The following PRTN3 variants were observed in gnomAD, a reference collection of about 807,000 sequenced individuals.
PRTN3 encodes myeloblastin.
A neutral mutation model predicts 20.7 loss-of-function variants in PRTN3; 22 were observed. That is an observed-to-expected ratio of 1.06 (90% CI 0.76 to 1.52). The LOEUF (loss-of-function observed/expected upper bound fraction) is 1.52, where lower values mean the gene tolerates loss of function less well. Ranked by LOEUF, PRTN3 falls within the 40% of genes most tolerant of loss-of-function variation. PRTN3 has a pLI of 0.00. For missense variants in PRTN3, 378 were observed against 359.6 expected, an observed-to-expected ratio of 1.05 and a Z score of -0.41; for synonymous variants, 173 against 152.9, an observed-to-expected ratio of 1.13 and a Z score of -0.97.
chr19:843,707 G>A lies in PRTN3; in HGVS notation c.227+81G>A, dbSNP rs2035475633. ...TGGCCCGGCCACTGTCCCTCTGCCC[G>A]GGGAGGACCCAGCTAAGCCCCGTCT... is the stretch of plus-strand genomic sequence containing the variant. On this transcript the variant is annotated intron_variant, in intron 2 of 4. Transcript: ENST00000234347. The A allele has an allele frequency of 4.7e-6, 7 of 1,490,880 alleles. No individual in the cohort carries two copies. The East Asian group carries it at 1.5e-4, about 32-fold the overall frequency. The allele number at this position is 1,490,880 out of a possible 1,614,324, so 92.4% of individuals were successfully genotyped here. A position where few individuals can be genotyped will look rare whatever the true frequency, so the allele number is the denominator to read the frequency against.
chr19:843,301 C>A lies in PRTN3; in HGVS notation c.62-160C>A, dbSNP rs765829809. ...CCTTTGGAAATCGTCGTAATTATAA[C>A]CCCCCCGGCCTGGGCGCTGAGTCCT... On this transcript the variant is annotated intron_variant, in intron 1 of 4. Transcript: ENST00000234347. The A allele has an allele frequency of 7.5e-6, 5 of 667,576 alleles. No homozygotes were observed. The Admixed American group carries it at 9.7e-5, about 13-fold the overall frequency. The allele number at this position is 667,576 out of a possible 1,614,324, so 41.4% of individuals were successfully genotyped here. A position where few individuals can be genotyped will look rare whatever the true frequency, so the allele number is the denominator to read the frequency against.
chr19:843,548 AC>A lies in PRTN3; in HGVS notation c.152del (p.Pro51ArgfsTer10), dbSNP rs756445305. ...PYMASLQMRG[N>X]PGSHFCGGTL... ...ATGGCCTCCCTGCAGATGCGGGGGA[AC>A]CCGGGCAGCCACTTCTGCGGAGGCA... On this transcript the variant is annotated frameshift_variant, in exon 2 of 5. Coordinates refer to ENST00000234347, the MANE Select transcript of PRTN3 (RefSeq NM_002777.4). LOFTEE classifies it high-confidence loss of function. The A allele has an allele frequency of 8.1e-6, 13 of 1,598,314 alleles. No homozygotes were observed. The highest frequency in any genetic ancestry group is 1.7e-5 in the Admixed American group (1 of 58,760).
rs756801987 is a variant in PRTN3 at position 843,900 on chromosome 19, C to A, written c.235C>A (p.Arg79Ser). Residue 79 changes from arginine to serine, a missense_variant, in exon 3 of 5, where the codon CGC becomes AGC. Physicochemically the swap from Arg to Ser is moderately radical, Grantham distance 110. Coordinates refer to ENST00000234347, the MANE Select transcript of PRTN3 (RefSeq NM_002777.4). ...ACCACCCCACCCCCGCAGACCCCAGCGCCTGGTGAACGTGGTGCTCGGAGC... is the reference window on the plus strand; with the variant it reads ...ACCACCCCACCCCCGCAGACCCCAGAGCCTGGTGAACGTGGTGCTCGGAGC... Reference protein sequence around the residue: ...AAHCLRDIPQRLVNVVLGAHN... With the variant: ...AAHCLRDIPQSLVNVVLGAHN... 26 of 1,591,900 alleles carry A rather than the reference C, an allele frequency of 1.6e-5. No individual in the cohort carries two copies. Among genetic ancestry groups the A allele is most frequent in the Middle Eastern group, 1.7e-4 (1 of 5,748 alleles).
intron 1 of PRTN3, among the ~76,000 whole-genome samples, chr19:841,523 A>G: frequency 7.0e-6 from 1 of 143,234 alleles, no homozygotes; most frequent in African/African-American, 2.7e-5. Flanking sequence ...CGAATGAATG[A>G]GTGAATGAAT....
chr19:848,087 G>T lies in PRTN3; in HGVS notation c.*118G>T. Reference sequence around the variant, plus strand: ...TGTGGCGTCCGGGACGGCCCCACCCGTCCCCCCACACTCCCTCCCACGGGG... The same window carrying T: ...TGTGGCGTCCGGGACGGCCCCACCCTTCCCCCCACACTCCCTCCCACGGGG... On this transcript the variant is annotated 3_prime_UTR_variant, in exon 5 of 5. Coordinates refer to ENST00000234347, the MANE Select transcript of PRTN3 (RefSeq NM_002777.4). The T allele has an allele frequency of 1.6e-6, 2 of 1,285,504 alleles. No homozygotes were observed. Among genetic ancestry groups the T allele is most frequent in the Non-Finnish European group, 1.1e-6 (1 of 950,082 alleles). The allele number at this position is 1,285,504 out of a possible 1,614,324, so 79.6% of individuals were successfully genotyped here.
At chr19:843,339 G>T in intron 1 of PRTN3, 122 bp from the exon 2 acceptor site, 1 of 1,094,948 alleles carries the variant, frequency 9.1e-7, no homozygotes, top group Admixed American at 3.0e-5. Flanking sequence ...CCACCAGCCA[G>T]CAGGCACTGA....
At chr19:844,949 T>TTTA (rs2035497444) in intron 3 of PRTN3, among the ~76,000 whole-genome samples, 1 of 147,000 alleles carries the variant, frequency 6.8e-6, no homozygotes, top group Non-Finnish European at 1.5e-5. Context: ...AAAAGACATT[T>TTTA]TTTTTTTTTT....
In PRTN3 at chr19:843,924, G is replaced by C; in HGVS notation, c.259G>C (p.Ala87Pro). The C allele has an allele frequency of 6.3e-7, 1 of 1,597,972 alleles. No homozygotes were observed. The highest frequency in any genetic ancestry group is 8.5e-7 in the Non-Finnish European group (1 of 1,173,354). The change falls in exon 3 of 5, where the codon GCC becomes CCC. Residue 87 changes from alanine to proline, a missense_variant. Coordinates refer to ENST00000234347, the MANE Select transcript of PRTN3 (RefSeq NM_002777.4). ...PQRLVNVVLGAHNVRTQEPTQ... is the reference protein window; with the variant it reads ...PQRLVNVVLGPHNVRTQEPTQ... ...GCGCCTGGTGAACGTGGTGCTCGGA[G>C]CCCACAACGTGCGGACGCAGGAGCC... is the stretch of plus-strand genomic sequence containing the variant.
rs561650737 is a variant in PRTN3 at position 847,957 on chromosome 19, G to C, written c.759G>C (p.Lys253Asn). ...IRSTLRRVEA[K>N]GRP ...CCACGCTGCGCCGTGTGGAGGCCAA[G>C]GGCCGCCCCTGAACCGCCCCTCCCA... The change falls in exon 5 of 5, where the codon AAG becomes AAC. Residue 253 changes from lysine to asparagine, a missense_variant. Transcript: ENST00000234347. 15 of 1,601,520 alleles carry C rather than the reference G, an allele frequency of 9.4e-6. No homozygotes were observed. In the East Asian group the frequency reaches 3.4e-4, roughly 36 times the overall value.
At chr19:847,612 C>T (rs188411838) in intron 4 of PRTN3, among the ~76,000 whole-genome samples, 187 bp from the exon 5 acceptor site, 7 of 152,066 alleles carry the variant, frequency 4.6e-5, no homozygotes, top group Admixed American at 2.6e-4. Context: ...ATATTGGAAG[C>T]ATTTTATTCT....
At chr19:842,411 G>A (rs2035457069) in intron 1 of PRTN3, among the ~76,000 whole-genome samples, 1 of 90,870 alleles carries the variant, frequency 1.1e-5, no homozygotes, top group African/African-American at 4.8e-5. Context: ...ACTGCGCCCA[G>A]GATTTTTTTT....
At chr19:847,028 A>T (rs946852067) in intron 4 of PRTN3, among the ~76,000 whole-genome samples, 1 of 152,118 alleles carries the variant, frequency 6.6e-6, no homozygotes, top group African/African-American at 2.4e-5. Context: ...ATTCCAGGCC[A>T]GCAGTGGTGG....
chr19:846,523 A>C, intron 4 of PRTN3, 146 bp downstream of exon 4: 14 of 836,748 alleles, frequency 1.7e-5, no homozygotes, highest in Non-Finnish European at 2.5e-5. Context: ...CCAACACCCA[A>C]CGGGCAGGCT....
At chr19:842,606 T>TTTTTTTTTTTTG (rs2035460969) in intron 1 of PRTN3, among the ~76,000 whole-genome samples, 2 of 141,516 alleles carry the variant, frequency 1.4e-5, no homozygotes, top group Non-Finnish European at 1.5e-5. Flanking sequence ...TTTTTTTTTT[T>TTTTTTTTTTTTG]GAGACGGAGT....
In PRTN3 at chr19:846,268, A is replaced by AC; in HGVS notation, c.497dup (p.Ala167SerfsTer20). The stretch of plus-strand genomic sequence containing the variant: ...GGCTGGGGCCGCGTGGGTGCCCACG[A>AC]CCCCCCAGCCCAGGTCCTGCAGGAG... On this transcript the variant is annotated frameshift_variant, in exon 4 of 5. Transcript: ENST00000234347. LOFTEE classifies it high-confidence loss of function. 1.3e-6 allele frequency: 2 copies of AC among 1,575,380 alleles called. No individual in the cohort carries two copies. The highest frequency in any genetic ancestry group is 1.7e-6 in the Non-Finnish European group (2 of 1,161,890).
At chr19:843,281 G>C in intron 1 of PRTN3, 180 bp from the exon 2 acceptor site, 1 of 620,274 alleles carries the variant, frequency 1.6e-6, no homozygotes, top group Non-Finnish European at 2.7e-6. Context: ...GGGCGCCTTT[G>C]GAAATCGTCG....
rs1026691430 is a variant in PRTN3 at position 846,305 on chromosome 19, C to T, written c.528C>T (p.Thr176=). ...AGGTCCTGCAGGAGCTCAATGTCAC[C>T]GTGGTCACCTTCTTCTGCCGGCCAC... The part of the protein sequence containing the change: ...PAQVLQELNV[T]VVTFFCRPHN... The change falls in exon 4 of 5, where the codon ACC becomes ACT. Residue 176 remains threonine (T), a synonymous_variant. Transcript: ENST00000234347. The T allele has an allele frequency of 8.2e-6, 13 of 1,593,482 alleles. No homozygotes were observed. The highest frequency in any genetic ancestry group is 5.4e-5 in the African/African-American group (4 of 74,138).
chr19:843,808 G>C, intron 2 of PRTN3, 85 bp from the exon 3 acceptor site: 1 of 1,493,416 alleles, frequency 6.7e-7, no homozygotes, highest in Non-Finnish European at 8.9e-7. Context: ...AGGGGTCTGG[G>C]GCTGCACCGC....
chr19:847,767 C>A, intron 4 of PRTN3, 32 bp from the exon 5 acceptor site: 2 of 1,587,588 alleles, frequency 1.3e-6, no homozygotes, highest in Non-Finnish European at 1.7e-6. Flanking sequence ...CAGGTGGCCC[C>A]TGATGGGTGA....
Sources: allele counts gnomAD v4.1 joint callset (sites outside exome capture counted in the v4.1 genomes callset), GRCh38; gene constraint gnomAD v4.1.1; transcripts MANE v1.5; gene names NCBI Gene and HGNC (gene_info 2026-07-23, HGNC 2026-07-21).